The following PLEKHA5 variants were observed in gnomAD, a reference collection of about 807,000 sequenced individuals.
PLEKHA5 encodes pleckstrin homology domain containing A5, also known as pleckstrin homology domain-containing family A member 5.
In PLEKHA5, 55 loss-of-function variants were observed where a neutral mutation model predicts 181.9. That is an observed-to-expected ratio of 0.30 (90% CI 0.24 to 0.38). PLEKHA5 has a LOEUF of 0.38. PLEKHA5 is among the 10% of genes least tolerant of loss of function. The probability of loss-of-function intolerance (pLI) is 1.00; values close to 1 mark genes in which losing one functional copy is unlikely to be tolerated. For missense variants in PLEKHA5, 1,432 were observed against 1,549.5 expected (o/e 0.92, Z 1.27); for synonymous variants, 535 against 529.4 (o/e 1.01, Z -0.15).
chr12:19,366,017 A>G lies in PLEKHA5; in HGVS notation c.3662A>G (p.Glu1221Gly). The G allele has an allele frequency of 6.2e-7, 1 of 1,612,492 alleles. No homozygotes were observed. The highest frequency in any genetic ancestry group is 8.5e-7 in the Non-Finnish European group (1 of 1,178,866). ...CATAAACCAGAAGAGCATCCTGAAGAAAATACAAAGAACAGTGTTGACGAA... is the reference window on the plus strand; with the variant it reads ...CATAAACCAGAAGAGCATCCTGAAGGAAATACAAAGAACAGTGTTGACGAA... ...ANHKPEEHPE[E>G]NTKNSVDEQE... Residue 1221 changes from glutamate (E) to glycine (G), a missense_variant, in exon 30 of 32, where the codon GAA becomes GGA. Physicochemically the swap from Glu to Gly is moderately conservative, Grantham distance 98 (BLOSUM62 -2). Around this residue, in one of 2 missense-constraint regions of PLEKHA5, gnomAD observed 1,143 missense variants for 1,168.4 expected, o/e 0.98. Coordinates refer to ENST00000429027, the MANE Select transcript of PLEKHA5 (RefSeq NM_001256470.2).
chr12:19,375,853 T>G lies in PLEKHA5; in HGVS notation c.*334T>G, dbSNP rs944395821. 7 of 152,570 alleles carry G rather than the reference T, an allele frequency of 4.6e-5. No homozygotes were observed. The highest frequency in any genetic ancestry group is 1.0e-4 in the Non-Finnish European group (7 of 68,028). The allele number at this position is 152,570 out of a possible 1,614,324, so 9.5% of individuals were successfully genotyped here. On this transcript the variant is annotated 3_prime_UTR_variant, in exon 32 of 32. Transcript: ENST00000429027. ...CTGATTTCCAGATTTCGATGTTTCT[T>G]AAGTCTAGGTGAATTTATATATATA...
At chr12:19,135,533 A>G (rs1206837334) in intron 3 of PLEKHA5, among the ~76,000 whole-genome samples, 1 of 152,056 alleles carries the variant, frequency 6.6e-6, no homozygotes, top group Non-Finnish European at 1.5e-5. Context: ...CTTCTTAACT[A>G]TTTTATCCTC....
intron 3 of PLEKHA5, among the ~76,000 whole-genome samples, chr12:19,177,119 G>C: frequency 6.6e-6 from 1 of 152,078 alleles, no homozygotes; most frequent in East Asian, 1.9e-4. Context: ...ACCCATCTTG[G>C]CCTCCCAAAG....
chr12:19,146,657 C>A (rs1479143394), intron 3 of PLEKHA5, among the ~76,000 whole-genome samples: 2 of 152,080 alleles, frequency 1.3e-5, no homozygotes, highest in Non-Finnish European at 2.9e-5. Flanking sequence ...CTCCTGCAAC[C>A]CAGTGGAAAG....
chr12:19,214,313 T>C (rs555854811), intron 3 of PLEKHA5, among the ~76,000 whole-genome samples: 1 of 152,214 alleles, frequency 6.6e-6, no homozygotes, highest in Non-Finnish European at 1.5e-5. Context: ...CTTTTGACTT[T>C]GTCAGTTAAA....
intron 15 of PLEKHA5, among the ~76,000 whole-genome samples, chr12:19,302,991 G>A (rs1013988889): frequency 3.0e-5 from 4 of 131,294 alleles, no homozygotes; most frequent in African/African-American, 5.9e-5. Flanking sequence ...GCGCCATCTC[G>A]GCTCACTGCA....
In PLEKHA5 at chr12:19,159,231, G is replaced by A. The variant is rs369425745; in HGVS notation, c.227+26781G>A. ...TTTCCTCCTGTTTGTATTCCTAGAA[G>A]CAAACAGCTGTGCATTCCATTTTAT... On this transcript the variant is annotated intron_variant, in intron 3 of 31. Transcript: ENST00000429027. Among the ~76,000 whole-genome samples, 186 of 152,240 alleles carry A rather than the reference G, an allele frequency of 1.2e-3. 2 individuals carry two copies. In the South Asian group the frequency reaches 0.038, roughly 31 times the overall value.
chr12:19,165,703 G>C (rs12830500), intron 3 of PLEKHA5, among the ~76,000 whole-genome samples: 13,684 of 152,130 alleles, frequency 0.09, 761 homozygotes, highest in Admixed American at 0.18. Context: ...GGATTCACTT[G>C]GGGGAACTTC....
chr12:19,148,885 A>T (rs571791770), intron 3 of PLEKHA5, among the ~76,000 whole-genome samples: 28 of 152,324 alleles, frequency 1.8e-4, no homozygotes, highest in Non-Finnish European at 3.8e-4. Context: ...TACAATATCA[A>T]GTCAGCCCCT....
chr12:19,225,519 G>A (rs2059574707), intron 3 of PLEKHA5, among the ~76,000 whole-genome samples: 1 of 152,132 alleles, frequency 6.6e-6, no homozygotes, highest in Non-Finnish European at 1.5e-5. Flanking sequence ...ACATTATGCT[G>A]TATGGTCTGC....
At chr12:19,141,923 T>C (rs571854516) in intron 3 of PLEKHA5, among the ~76,000 whole-genome samples, 1 of 152,320 alleles carries the variant, frequency 6.6e-6, no homozygotes, top group African/African-American at 2.4e-5. Context: ...GCTGTCTACA[T>C]GGGGAGTGGT....
chr12:19,252,303 T>G (rs2065551082), intron 3 of PLEKHA5, among the ~76,000 whole-genome samples: 2 of 152,138 alleles, frequency 1.3e-5, no homozygotes, highest in African/African-American at 2.4e-5. Context: ...TGTACTAATA[T>G]TTTAAGATTA....
At chr12:19,352,343 C>T (rs2094642232) in intron 25 of PLEKHA5, among the ~76,000 whole-genome samples, 1 of 151,504 alleles carries the variant, frequency 6.6e-6, no homozygotes, top group Non-Finnish European at 1.5e-5. Flanking sequence ...CGAGATCGTG[C>T]CATTGTACTT....
At chr12:19,358,007 G>A (rs761319777) in intron 26 of PLEKHA5, among the ~76,000 whole-genome samples, 51 of 151,094 alleles carry the variant, frequency 3.4e-4, no homozygotes, top group African/African-American at 1.2e-4. Context: ...TTATAATATC[G>A]TCTCTTTTTC....
Position 19,270,186 on chromosome 12 carries a change from A to C in PLEKHA5, c.828-2A>C. 6.9e-7 allele frequency: 1 copy of C among 1,459,070 alleles called. No individual in the cohort carries two copies. Among genetic ancestry groups the C allele is most frequent in the Non-Finnish European group, 9.1e-7 (1 of 1,099,108 alleles). 90.4% of individuals were successfully genotyped at this position (1,459,070 alleles called of 1,614,324 possible). ...CAAACTGAATGTTCTTTCTTCTTAC[A>C]GAATTACCTTTAATTTCCGGTGAGT... On this transcript the variant is annotated splice_acceptor_variant, in intron 9 of 31. Transcript: ENST00000429027. LOFTEE classifies it high-confidence loss of function.
chr12:19,226,129 T>C (rs1602592), intron 3 of PLEKHA5, among the ~76,000 whole-genome samples: 129 of 152,344 alleles, frequency 8.5e-4, no homozygotes, highest in Admixed American at 3.1e-3. Context: ...TTCCAAAGAT[T>C]AATCTGCTTT....
chr12:19,257,504 A>T lies in PLEKHA5; in HGVS notation c.504A>T (p.Ala168=), dbSNP rs1268115298. Residue 168 remains alanine (A), a synonymous_variant, in exon 6 of 32, where the codon GCA becomes GCT. Transcript: ENST00000429027. ...ATTCAATTAAAAGGAATCCTAATGC[A>T]CCGGTTGTCAGACGAGGTTGGCTTT... The part of the protein sequence containing the change: ...RSNSIKRNPN[A]PVVRRGWLYK... 6.2e-7 allele frequency: 1 copy of T among 1,604,018 alleles called. No individual in the cohort carries two copies. Among genetic ancestry groups the T allele is most frequent in the Admixed American group, 1.7e-5 (1 of 59,122 alleles).
chr12:19,200,058 G>T (rs1198051306), intron 3 of PLEKHA5, among the ~76,000 whole-genome samples: 1 of 152,070 alleles, frequency 6.6e-6, no homozygotes, highest in East Asian at 1.9e-4. Context: ...CTCAAATGTT[G>T]GATAGCAGAG....
Position 19,314,890 on chromosome 12 carries a change from A to G in PLEKHA5, c.2114A>G (p.Gln705Arg). 1.3e-6 allele frequency: 2 copies of G among 1,524,720 alleles called. No homozygotes were observed. Among genetic ancestry groups the G allele is most frequent in the Non-Finnish European group, 1.8e-6 (2 of 1,122,424 alleles). The allele number at this position is 1,524,720 out of a possible 1,614,324, so 94.4% of individuals were successfully genotyped here. The change falls in exon 16 of 32, where the codon CAG becomes CGG. Residue 705 changes from glutamine (Q) to arginine (R), a missense_variant. Gln to Arg is a conservative substitution (Grantham distance 43, BLOSUM62 1). Around this residue, in one of 2 missense-constraint regions of PLEKHA5, gnomAD observed 1,143 missense variants for 1,168.4 expected, o/e 0.98. Coordinates refer to ENST00000429027, the MANE Select transcript of PLEKHA5 (RefSeq NM_001256470.2). ...TCGGCGCTAAGACCCCAACTGTACC[A>G]GCAAGTAAGGTCTTGGACAGTGAAT... ...ENSALRPQLYQQFLRQKSKIS... is the reference protein window; with the variant it reads ...ENSALRPQLYRQFLRQKSKIS...
Sources: gnomAD v4.1 joint callset for allele counts (sites outside exome capture counted in the v4.1 genomes callset) on GRCh38, gnomAD v4.1.1 for gene constraint, gnomAD v4.1.1 regional missense constraint, MANE v1.5 for transcripts, NCBI Gene and HGNC (gene_info 2026-07-23, HGNC 2026-07-21) for gene names.